Variants in FAM43A observed in about 807,000 individuals in gnomAD.
FAM43A encodes protein FAM43A.
In FAM43A, 11 loss-of-function variants were observed where a neutral mutation model predicts 15.7. The ratio of observed to expected loss-of-function variants is 0.70; its 90% CI spans 0.44 to 1.16. FAM43A has a LOEUF of 1.16. Ranked by LOEUF, FAM43A falls within the 50% of genes most tolerant of loss-of-function variation. The pLI, the probability that FAM43A is intolerant of heterozygous loss-of-function variation, is 0.00. For synonymous variants in FAM43A, 319 were observed against 291.7 expected, an observed-to-expected ratio of 1.09 and a Z score of -0.96; for missense variants, 573 against 620.0, an observed-to-expected ratio of 0.92 and a Z score of 0.80.
At position 194,687,998 on chromosome 3, in the gene FAM43A, G is replaced by T; in HGVS notation, c.1172G>T (p.Ser391Ile). 7.0e-7 allele frequency: 1 copy of T among 1,427,190 alleles called. No individual in the cohort carries two copies. The highest frequency in any genetic ancestry group is 9.2e-7 in the Non-Finnish European group (1 of 1,091,312). 88.4% of individuals were successfully genotyped at this position (1,427,190 alleles called of 1,614,324 possible). Residue 391 changes from serine (S) to isoleucine (I), a missense_variant, in exon 1 of 1, where the codon AGC (serine) becomes ATC (isoleucine). Ser to Ile is a moderately radical substitution (Grantham distance 142). Coordinates refer to ENST00000329759, the MANE Select transcript of FAM43A (RefSeq NM_153690.5). ...LLSGDSTGSE[S>I]SIEGGGPDAT... The stretch of plus-strand genomic sequence containing the variant: ...TCAGGCGACAGCACGGGCAGCGAGA[G>T]CTCCATCGAGGGCGGGGGCCCTGAC...
Position 194,686,373 on chromosome 3 carries a change from C to T in FAM43A, c.-454C>T, listed in dbSNP as rs1719417851. On this transcript the variant is annotated 5_prime_UTR_variant, in exon 1 of 1. Transcript: ENST00000329759. ...TGTTAGGGGACCCACCTCACGTTCG[C>T]CGAGGAGTTCCTGCATATTCTTGCA... Among the ~76,000 whole-genome samples, 1 of 152,196 alleles carries T rather than the reference C, an allele frequency of 6.6e-6. No individual in the cohort carries two copies. Among genetic ancestry groups the T allele is most frequent in the African/African-American group, 2.4e-5 (1 of 41,426 alleles).
rs762808685 is a variant in FAM43A at position 194,687,256 on chromosome 3, G to C, written c.430G>C (p.Val144Leu). The C allele has an allele frequency of 6.3e-7, 1 of 1,597,754 alleles. No homozygotes were observed. The highest frequency in any genetic ancestry group is 1.7e-4 in the Middle Eastern group (1 of 6,014). The stretch of plus-strand genomic sequence containing the variant: ...CCTGCTGCACCGCGTCACCTACTGC[G>C]TGGCCGACGCGCGGCTGCCCAAGGT... Reference protein sequence around the residue: ...LYLLHRVTYCVADARLPKVFA... With the variant: ...LYLLHRVTYCLADARLPKVFA... The change falls in exon 1 of 1, where the codon GTG (valine) becomes CTG (leucine). Residue 144 changes from valine to leucine, a missense_variant. By Grantham distance (32) the Val-to-Leu change is conservative (BLOSUM62 1). Transcript: ENST00000329759.
In FAM43A at chr3:194,688,471, G is replaced by T. The variant is rs1400593327; in HGVS notation, c.*373G>T. 4.9e-6 allele frequency: 1 copy of T among 204,254 alleles called. No homozygotes were observed. Among genetic ancestry groups the T allele is most frequent in the African/African-American group, 2.3e-5 (1 of 42,588 alleles). The allele number at this position is 204,254 out of a possible 1,614,324, so 12.7% of individuals were successfully genotyped here. On this transcript the variant is annotated 3_prime_UTR_variant, in exon 1 of 1. Transcript: ENST00000329759. ...GGCAGCTGGGGCCTGAGGAGGAGGG[G>T]TTCACTTCCTCCTCCCACCCCCTGG...
chr3:194,687,165 G>A lies in FAM43A; in HGVS notation c.339G>A (p.Val113=). The A allele has an allele frequency of 6.2e-7, 1 of 1,611,732 alleles. No individual in the cohort carries two copies. Among genetic ancestry groups the A allele is most frequent in the Non-Finnish European group, 8.5e-7 (1 of 1,179,884 alleles). ...AGGGCACCAAGATGAAGCTGACGGTGAGTGCGCAGGGTATCCGCATGGTGC... is the reference window on the plus strand; with the variant it reads ...AGGGCACCAAGATGAAGCTGACGGTAAGTGCGCAGGGTATCCGCATGGTGC... ...GRQGTKMKLT[V]SAQGIRMVHA... is the part of the protein sequence containing the mutation. The change falls in exon 1 of 1, where the codon GTG becomes GTA. Residue 113 remains valine, a synonymous_variant. Coordinates refer to ENST00000329759, the MANE Select transcript of FAM43A (RefSeq NM_153690.5).
At position 194,686,791 on chromosome 3, in the gene FAM43A, C is replaced by T. The variant is rs1423375157; in HGVS notation, c.-36C>T. 4.3e-6 allele frequency: 6 copies of T among 1,407,740 alleles called. No homozygotes were observed. Among genetic ancestry groups the T allele is most frequent in the South Asian group, 1.6e-5 (1 of 61,206 alleles). 87.2% of individuals were successfully genotyped at this position (1,407,740 alleles called of 1,614,324 possible). A position where few individuals can be genotyped will look rare whatever the true frequency, so the allele number is the denominator to read the frequency against. On this transcript the variant is annotated 5_prime_UTR_variant, in exon 1 of 1. Transcript: ENST00000329759. ...GGCCTCGCACCCGGCGCTCCGCCGCCGCCGCCGCCCAGCTGCGCCGGGGCG... is the reference window on the plus strand; with the variant it reads ...GGCCTCGCACCCGGCGCTCCGCCGCTGCCGCCGCCCAGCTGCGCCGGGGCG...
chr3:194,687,703 G>C lies in FAM43A; in HGVS notation c.877G>C (p.Glu293Gln), dbSNP rs138951793. 7.4e-4 allele frequency: 1,161 copies of C among 1,563,636 alleles called. 9 individuals are homozygous for C. In the African/African-American group the frequency reaches 0.014, roughly 19 times the overall value. The change falls in exon 1 of 1, where the codon GAG (glutamate) becomes CAG (glutamine). Residue 293 changes from glutamate to glutamine, a missense_variant. Transcript: ENST00000329759. ...ENRAAEGDPAEEEAEAQRALV... is the reference protein window; with the variant it reads ...ENRAAEGDPAQEEAEAQRALV... Reference sequence around the variant, plus strand: ...CCGTGCGGCAGAGGGAGATCCAGCAGAGGAGGAGGCCGAGGCGCAGCGTGC... The same window carrying C: ...CCGTGCGGCAGAGGGAGATCCAGCACAGGAGGAGGCCGAGGCGCAGCGTGC...
In FAM43A at chr3:194,687,546, G is replaced by A. The variant is rs1719446112; in HGVS notation, c.720G>A (p.Pro240=). The change falls in exon 1 of 1, where the codon CCG becomes CCA. Residue 240 remains proline (P), a synonymous_variant. Coordinates refer to ENST00000329759, the MANE Select transcript of FAM43A (RefSeq NM_153690.5). The part of the protein sequence containing the change: ...LLHGPCCYKP[P]VERSRSAPKL... Reference sequence around the variant, plus strand: ...ACGGACCCTGCTGCTATAAACCGCCGGTGGAGCGCAGCCGCAGCGCGCCCA... The same window carrying A: ...ACGGACCCTGCTGCTATAAACCGCCAGTGGAGCGCAGCCGCAGCGCGCCCA... The A allele has an allele frequency of 4.4e-6, 7 of 1,582,538 alleles. No individual in the cohort carries two copies. The highest frequency in any genetic ancestry group is 1.8e-5 in the Admixed American group (1 of 56,138).
rs1361523773 is a variant in FAM43A, at chr3:194,687,464, A to G, written c.638A>G (p.Gln213Arg). ...CGGGACGACGCGCGTCACCAGCAGC[A>G]GGAGCTGGTGGGCGCACACACCATC... ...KRRDDARHQQ[Q>R]ELVGAHTIPL... Residue 213 changes from glutamine to arginine, a missense_variant, in exon 1 of 1, where the codon CAG becomes CGG. By Grantham distance (43) the Gln-to-Arg change is conservative. Coordinates refer to ENST00000329759, the MANE Select transcript of FAM43A (RefSeq NM_153690.5). 1.3e-6 allele frequency: 2 copies of G among 1,536,634 alleles called. No individual in the cohort carries two copies. Among genetic ancestry groups the G allele is most frequent in the Non-Finnish European group, 1.8e-6 (2 of 1,138,050 alleles).
At position 194,687,612 on chromosome 3, in the gene FAM43A, G is replaced by A; in HGVS notation, c.786G>A (p.Leu262=). The A allele has an allele frequency of 6.4e-7, 1 of 1,571,998 alleles. No homozygotes were observed. Among genetic ancestry groups the A allele is most frequent in the Non-Finnish European group, 8.6e-7 (1 of 1,158,136 alleles). Residue 262 remains leucine (L), a synonymous_variant, in exon 1 of 1, where the codon CTG becomes CTA. Transcript: ENST00000329759. ...CCGAGGACCTGCTCGGCGAACAGCT[G>A]GAGCAGGAGCTGCAGGAGGAAGAGG... is the stretch of plus-strand genomic sequence containing the variant. The part of the protein sequence containing the change: ...SITEDLLGEQ[L]EQELQEEEEE...
rs1352014763 is a variant in FAM43A at position 194,687,342 on chromosome 3, C to G, written c.516C>G (p.Ala172=). The change falls in exon 1 of 1, where the codon GCC becomes GCG. Residue 172 remains alanine (A), a synonymous_variant. Coordinates refer to ENST00000329759, the MANE Select transcript of FAM43A (RefSeq NM_153690.5). ...KHKAVMLRCH[A]VLVSKPEKAQ... is the part of the protein sequence containing the mutation. ...AGGCCGTGATGCTGCGCTGCCACGC[C>G]GTGCTGGTGTCCAAGCCCGAAAAGG... 31 of 1,542,782 alleles carry G rather than the reference C, an allele frequency of 2.0e-5. No individual in the cohort carries two copies. The highest frequency in any genetic ancestry group is 2.7e-5 in the Non-Finnish European group (31 of 1,149,786).
chr3:194,687,615 G>T lies in FAM43A; in HGVS notation c.789G>T (p.Glu263Asp). The T allele has an allele frequency of 6.4e-7, 1 of 1,567,792 alleles. No individual in the cohort carries two copies. ...AGGACCTGCTCGGCGAACAGCTGGA[G>T]CAGGAGCTGCAGGAGGAAGAGGAAG... ...ITEDLLGEQLEQELQEEEEEE... is the reference protein window; with the variant it reads ...ITEDLLGEQLDQELQEEEEEE... The change falls in exon 1 of 1, where the codon GAG becomes GAT. Residue 263 changes from glutamate to aspartate, a missense_variant. Physicochemically the swap from Glu to Asp is conservative, Grantham distance 45. Coordinates refer to ENST00000329759, the MANE Select transcript of FAM43A (RefSeq NM_153690.5).
rs375489200 is a variant in FAM43A at position 194,687,640 on chromosome 3, G to A, written c.814G>A (p.Glu272Lys). The change falls in exon 1 of 1, where the codon GAG becomes AAG. Residue 272 changes from glutamate (E) to lysine (K), a missense_variant. Glu to Lys is a moderately conservative substitution (Grantham distance 56). Coordinates refer to ENST00000329759, the MANE Select transcript of FAM43A (RefSeq NM_153690.5). ...GCAGGAGCTGCAGGAGGAAGAGGAA[G>A]AGGAGCAACCCGAGGGCTGCCCGGA... is the stretch of plus-strand genomic sequence containing the variant. ...LEQELQEEEE[E>K]EQPEGCPEEE... 2.8e-4 allele frequency: 445 copies of A among 1,564,446 alleles called. 1 individual carries two copies. In the Middle Eastern group the frequency reaches 8.0e-3, roughly 28 times the overall value.
rs1719425688 is a variant in FAM43A at position 194,686,743 on chromosome 3, T to C, written c.-84T>C. 2 of 1,286,906 alleles carry C rather than the reference T, an allele frequency of 1.6e-6. No homozygotes were observed. 79.7% of individuals were successfully genotyped at this position (1,286,906 alleles called of 1,614,324 possible). A position where few individuals can be genotyped will look rare whatever the true frequency, so the allele number is the denominator to read the frequency against. On this transcript the variant is annotated 5_prime_UTR_variant, in exon 1 of 1. Coordinates refer to ENST00000329759, the MANE Select transcript of FAM43A (RefSeq NM_153690.5). ...TCTTCGATCTTGCCCGGGCCGAGCC[T>C]GGCAGGGGCCGGTGGCTCAGCGGGC...
Position 194,688,190 on chromosome 3 carries a change from A to C in FAM43A, c.*92A>C, listed in dbSNP as rs903315910. ...CCTTGCCCGCCCCCAGGAAGGGGGA[A>C]ATGGGGCATTTGGGGCCCAGACCTA... is the stretch of plus-strand genomic sequence containing the variant. On this transcript the variant is annotated 3_prime_UTR_variant, in exon 1 of 1. Coordinates refer to ENST00000329759, the MANE Select transcript of FAM43A (RefSeq NM_153690.5). 31 of 1,237,024 alleles carry C rather than the reference A, an allele frequency of 2.5e-5. No homozygotes were observed. The highest frequency in any genetic ancestry group is 3.1e-5 in the Non-Finnish European group (30 of 976,052). The allele number at this position is 1,237,024 out of a possible 1,614,324, so 76.6% of individuals were successfully genotyped here.
rs1156379768 is a variant in FAM43A, at chr3:194,686,738, G to A, written c.-89G>A. ...TTTATTCTTCGATCTTGCCCGGGCC[G>A]AGCCTGGCAGGGGCCGGTGGCTCAG... On this transcript the variant is annotated 5_prime_UTR_variant, in exon 1 of 1. Coordinates refer to ENST00000329759, the MANE Select transcript of FAM43A (RefSeq NM_153690.5). 46 of 1,269,132 alleles carry A rather than the reference G, an allele frequency of 3.6e-5. No homozygotes were observed. The highest frequency in any genetic ancestry group is 4.4e-5 in the Non-Finnish European group (44 of 1,000,986). 78.6% of individuals were successfully genotyped at this position (1,269,132 alleles called of 1,614,324 possible). A position where few individuals can be genotyped will look rare whatever the true frequency, so the allele number is the denominator to read the frequency against.
Position 194,686,912 on chromosome 3 carries a change from G to C in FAM43A, c.86G>C (p.Ser29Thr), listed in dbSNP as rs1436275834. 3 of 1,610,388 alleles carry C rather than the reference G, an allele frequency of 1.9e-6. No homozygotes were observed. Among genetic ancestry groups the C allele is most frequent in the Non-Finnish European group, 2.5e-6 (3 of 1,178,500 alleles). The change falls in exon 1 of 1, where the codon AGC becomes ACC. Residue 29 changes from serine to threonine, a missense_variant. Coordinates refer to ENST00000329759, the MANE Select transcript of FAM43A (RefSeq NM_153690.5). ...TCCAAGCCCAAGGGCTACGCTGTGA[G>C]CCTGCACTACTCGGCGCTCAGCTCG... ...QASKPKGYAV[S>T]LHYSALSSLA...
At position 194,686,850 on chromosome 3, in the gene FAM43A, G is replaced by A. The variant is rs1719428284; in HGVS notation, c.24G>A (p.Lys8=). The A allele has an allele frequency of 1.9e-6, 3 of 1,595,124 alleles. No individual in the cohort carries two copies. The highest frequency in any genetic ancestry group is 2.6e-6 in the Non-Finnish European group (3 of 1,175,648). MLPWKKH[K]FELLAEAPPR... ...AGATGCTGCCGTGGAAGAAGCACAA[G>A]TTCGAGCTGCTGGCCGAGGCGCCGC... Residue 8 remains lysine (K), a synonymous_variant, in exon 1 of 1, where the codon AAG becomes AAA. Coordinates refer to ENST00000329759, the MANE Select transcript of FAM43A (RefSeq NM_153690.5).
In FAM43A at chr3:194,687,375, C is replaced by T. The variant is rs1015105670; in HGVS notation, c.549C>T (p.Ala183=). 25 of 1,539,186 alleles carry T rather than the reference C, an allele frequency of 1.6e-5. No homozygotes were observed. Among genetic ancestry groups the T allele is most frequent in the Admixed American group, 5.9e-5 (3 of 51,042 alleles). The change falls in exon 1 of 1, where the codon GCC becomes GCT. Residue 183 remains alanine (A), a synonymous_variant. Coordinates refer to ENST00000329759, the MANE Select transcript of FAM43A (RefSeq NM_153690.5). ...TGTCCAAGCCCGAAAAGGCGCAGGCCATGGCCCTGCTGCTCTACCAGACGT... is the reference window on the plus strand; with the variant it reads ...TGTCCAAGCCCGAAAAGGCGCAGGCTATGGCCCTGCTGCTCTACCAGACGT... ...VLVSKPEKAQ[A]MALLLYQTSA...
At position 194,687,352 on chromosome 3, in the gene FAM43A, T is replaced by A; in HGVS notation, c.526T>A (p.Ser176Thr). 1.3e-6 allele frequency: 2 copies of A among 1,541,366 alleles called. No homozygotes were observed. Among genetic ancestry groups the A allele is most frequent in the Non-Finnish European group, 1.7e-6 (2 of 1,148,562 alleles). ...VMLRCHAVLV[S>T]KPEKAQAMAL... ...GCTGCGCTGCCACGCCGTGCTGGTG[T>A]CCAAGCCCGAAAAGGCGCAGGCCAT... The change falls in exon 1 of 1, where the codon TCC becomes ACC. Residue 176 changes from serine to threonine, a missense_variant. Transcript: ENST00000329759.
Sources: gnomAD v4.1 joint callset for allele counts (sites outside exome capture counted in the v4.1 genomes callset) on GRCh38, gnomAD v4.1.1 for gene constraint, MANE v1.5 for transcripts, NCBI Gene and HGNC (gene_info 2026-07-23, HGNC 2026-07-21) for gene names.